Variants in CYP2B6 observed in about 807,000 individuals in gnomAD.
CYP2B6 encodes cytochrome P450 2B6.
In CYP2B6, 35 loss-of-function variants were observed where a neutral mutation model predicts 43.4. That is an observed-to-expected ratio of 0.81 (90% CI 0.62 to 1.07). The LOEUF (loss-of-function observed/expected upper bound fraction) is 1.07, where lower values mean the gene tolerates loss of function less well. Ranked by LOEUF, CYP2B6 falls within the 50% of genes least tolerant of loss-of-function variation. CYP2B6 has a pLI of 0.00. For synonymous variants in CYP2B6, 239 were observed against 239.2 expected, an observed-to-expected ratio of 1.00 and a Z score of 0.01; for missense variants, 624 against 632.8, an observed-to-expected ratio of 0.99 and a Z score of 0.15.
At chr19:41,004,258 C>T in intron 2 of CYP2B6, 39 bp from the exon 3 acceptor site, 2 of 1,613,810 alleles carry the variant, frequency 1.2e-6, no homozygotes, top group Non-Finnish European at 1.7e-6. Flanking sequence ...CTTCTTCCAA[C>T]TTCTTCTACA....
chr19:41,006,325 A>T (rs75757312), intron 3 of CYP2B6, among the ~76,000 whole-genome samples: 33 of 118,494 alleles, frequency 2.8e-4, no homozygotes, highest in Admixed American at 2.8e-4. Flanking sequence ...GTCTAGCTAC[A>T]TTTTTTTTTT....
At chr19:40,993,320 G>C (rs112692941) in intron 1 of CYP2B6, among the ~76,000 whole-genome samples, 5,289 of 152,108 alleles carry the variant, frequency 0.035, 325 homozygotes, top group African/African-American at 0.12. Flanking sequence ...TAAACAAAAG[G>C]GATGTAACTG....
At chr19:41,009,547 TGAG>T (rs1403288074) in intron 5 of CYP2B6, 152 bp downstream of exon 5, 18 of 826,398 alleles carry the variant, frequency 2.2e-5, no homozygotes, top group Non-Finnish European at 3.3e-5. Context: ...GGAGAGAACA[TGAG>T]GAAGGAAAGA....
At chr19:41,002,989 G>T (rs555432457) in intron 1 of CYP2B6, among the ~76,000 whole-genome samples, 203 of 152,180 alleles carry the variant, frequency 1.3e-3, no homozygotes, top group African/African-American at 4.7e-3. Context: ...CTGTATACTA[G>T]TCTATTGTGA....
At chr19:41,003,068 G>A (rs1969120834) in intron 1 of CYP2B6, among the ~76,000 whole-genome samples, 2 of 151,952 alleles carry the variant, frequency 1.3e-5, no homozygotes, top group Admixed American at 6.6e-5. Context: ...TGAATATTTT[G>A]TTCATTTTTT....
intron 1 of CYP2B6, among the ~76,000 whole-genome samples, chr19:40,993,321 G>T (rs1968950212): frequency 6.6e-6 from 1 of 152,106 alleles, no homozygotes; most frequent in Non-Finnish European, 1.5e-5. Context: ...AAACAAAAGG[G>T]ATGTAACTGA....
In CYP2B6 at chr19:41,009,230, C is replaced by A. The variant is rs1437639626; in HGVS notation, c.657C>A (p.Leu219=). 3.1e-6 allele frequency: 5 copies of A among 1,612,328 alleles called. No individual in the cohort carries two copies. The South Asian group carries it at 5.5e-5, about 18-fold the overall frequency. Residue 219 remains leucine (L), a synonymous_variant, in exon 5 of 9, where the codon CTC becomes CTA. Transcript: ENST00000324071. ...CTTCTTTCTTGCAGCTGTTTGAGCT[C>A]TTCTCTGGCTTCTTGAAATACTTTC... ...ISSVFGQLFE[L]FSGFLKYFPG... is the part of the protein sequence containing the mutation.
chr19:41,012,239 C>A (rs766968788), intron 6 of CYP2B6, 59 bp from the exon 7 acceptor site: 32 of 1,551,930 alleles, frequency 2.1e-5, no homozygotes, highest in Non-Finnish European at 2.7e-5. Flanking sequence ...CATGAGCCAC[C>A]ATGCCTGGCC....
intron 4 of CYP2B6, among the ~76,000 whole-genome samples, chr19:41,008,197 T>G (rs143699099): frequency 5.4e-4 from 82 of 151,816 alleles, no homozygotes; most frequent in African/African-American, 1.9e-3. Context: ...CAGAACAGTA[T>G]GCATAGCTGT....
At chr19:41,005,756 G>T (rs1211082378) in intron 3 of CYP2B6, among the ~76,000 whole-genome samples, 2 of 151,520 alleles carry the variant, frequency 1.3e-5, no homozygotes, top group Non-Finnish European at 2.9e-5. Flanking sequence ...ACTCCAGTCT[G>T]CATGATAGAG....
chr19:41,012,302 A>C lies in CYP2B6; in HGVS notation c.969A>C (p.Arg323Ser), dbSNP rs1363273872. The C allele has an allele frequency of 1.2e-6, 2 of 1,613,978 alleles. No individual in the cohort carries two copies. The highest frequency in any genetic ancestry group is 2.2e-5 in the East Asian group (1 of 44,868). ...TTGGTCTTCTTTTCTGTACAGAGAG[A>C]GTCTACAGGGAGATTGAACAGGTGA... ...LMLKYPHVAE[R>S]VYREIEQVIG... The change falls in exon 7 of 9, where the codon AGA (arginine) becomes AGC (serine). Residue 323 changes from arginine (R) to serine (S), a missense_variant. By Grantham distance (110) the Arg-to-Ser change is moderately radical. Transcript: ENST00000324071.
chr19:41,012,937 C>T, intron 8 of CYP2B6, 122 bp downstream of exon 8: 1 of 1,145,026 alleles, frequency 8.7e-7, no homozygotes, highest in Admixed American at 1.7e-5. Context: ...GCTTCACCTG[C>T]CTTATCCCAT....
rs144055775 is a variant in CYP2B6, at chr19:41,003,262, C to T, written c.172-739C>T. ...CCCCCAGTGGATGCCTGAAACCCCA[C>T]ATAATACTGAGCACTATGCATACTC... On this transcript the variant is annotated intron_variant, in intron 1 of 8. Coordinates refer to ENST00000324071, the MANE Select transcript of CYP2B6 (RefSeq NM_000767.5). Among the ~76,000 whole-genome samples, 7 of 152,122 alleles carry T rather than the reference C, an allele frequency of 4.6e-5. 1 individual carries two copies. Among genetic ancestry groups the T allele is most frequent in the African/African-American group, 1.4e-4 (6 of 41,432 alleles).
At chr19:40,996,285 C>A (rs1437502050) in intron 1 of CYP2B6, among the ~76,000 whole-genome samples, 15 of 152,126 alleles carry the variant, frequency 9.9e-5, no homozygotes, top group Admixed American at 9.8e-4. Flanking sequence ...TAGTTGATTT[C>A]ATTAATTCCT....
chr19:40,995,745 A>G (rs529701041), intron 1 of CYP2B6, among the ~76,000 whole-genome samples: 2 of 152,300 alleles, frequency 1.3e-5, no homozygotes, highest in Non-Finnish European at 2.9e-5. Context: ...CCATCAATCA[A>G]TAATACCTGA....
intron 6 of CYP2B6, among the ~76,000 whole-genome samples, chr19:41,011,609 A>T (rs945148389): frequency 3.3e-5 from 5 of 152,216 alleles, no homozygotes; most frequent in African/African-American, 9.6e-5. Context: ...GAGGACCAAG[A>T]ATAGTGTCTC....
chr19:41,003,372 G>C (rs551209589), intron 1 of CYP2B6, among the ~76,000 whole-genome samples: 2 of 152,080 alleles, frequency 1.3e-5, no homozygotes, highest in Non-Finnish European at 2.9e-5. Context: ...TTCGTGTCCG[G>C]GGTGGGACAG....
Position 41,016,937 on chromosome 19 carries a change from A to T in CYP2B6, c.*110A>T. On this transcript the variant is annotated 3_prime_UTR_variant, in exon 9 of 9. Transcript: ENST00000324071. ...TTCCTGCCTCTGAGAGACCTGCTAC[A>T]AGCCAGCTTCCTTCCCCTCCATGGC... The T allele has an allele frequency of 1.0e-5, 12 of 1,189,024 alleles. No homozygotes were observed. The highest frequency in any genetic ancestry group is 1.4e-5 in the Non-Finnish European group (12 of 843,862). The allele number at this position is 1,189,024 out of a possible 1,614,324, so 73.7% of individuals were successfully genotyped here. A position where few individuals can be genotyped will look rare whatever the true frequency, so the allele number is the denominator to read the frequency against.
rs572699046 is a variant in CYP2B6, at chr19:41,017,518, C to T, written c.*691C>T. 2.0e-5 allele frequency: 3 copies of T among 151,794 alleles called. No individual in the cohort carries two copies. Among genetic ancestry groups the T allele is most frequent in the Non-Finnish European group, 4.4e-5 (3 of 67,934 alleles). The allele number at this position is 151,794 out of a possible 1,614,324, so 9.4% of individuals were successfully genotyped here. A position where few individuals can be genotyped will look rare whatever the true frequency, so the allele number is the denominator to read the frequency against. On this transcript the variant is annotated 3_prime_UTR_variant, in exon 9 of 9. Transcript: ENST00000324071. The stretch of plus-strand genomic sequence containing the variant: ...GGAGTCTCACTCTGTCACCCAGGTT[C>T]GAGTTCAGTGGTGCCATCTCTGTCC...
Sources: allele counts gnomAD v4.1 joint callset (sites outside exome capture counted in the v4.1 genomes callset), GRCh38; gene constraint gnomAD v4.1.1; transcripts MANE v1.5; gene names NCBI Gene and HGNC (gene_info 2026-07-23, HGNC 2026-07-21).